SDK1: variants seen among roughly 807,000 people sequenced by gnomAD.
The protein encoded by SDK1 is sidekick cell adhesion molecule 1.
A neutral mutation model predicts 245.5 loss-of-function variants in SDK1; 157 were observed. The ratio of observed to expected loss-of-function variants is 0.64; its 90% CI spans 0.56 to 0.73. SDK1 has a LOEUF of 0.73. Among genes scored for constraint, SDK1 ranks in the 30% least tolerant of loss-of-function variants. The pLI, the probability that SDK1 is intolerant of heterozygous loss-of-function variation, is 0.00. For missense variants in SDK1, 3,583 were observed against 3,002.3 expected (o/e 1.19, Z -4.52); for synonymous variants, 1,647 against 1,278.5 (o/e 1.29, Z -6.15).
rs76386408 is a variant in SDK1, at chr7:3,330,230, T to C, written c.298+28346T>C. Among the ~76,000 whole-genome samples, 1,443 of 152,320 alleles carry C rather than the reference T, an allele frequency of 9.5e-3. 23 individuals carry two copies. The highest frequency in any genetic ancestry group is 0.033 in the African/African-American group (1,359 of 41,570). ...ACCTACAGGTGGAATTGCTGGGTCA[T>C]ATAGTAACTGTTTAAGCATTTGATG... On this transcript the variant is annotated intron_variant, in intron 1 of 44. Coordinates refer to ENST00000404826, the MANE Select transcript of SDK1 (RefSeq NM_152744.4).
chr7:3,329,747 A>G (rs954741292), intron 1 of SDK1, among the ~76,000 whole-genome samples: 1 of 152,220 alleles, frequency 6.6e-6, no homozygotes, highest in Non-Finnish European at 1.5e-5. Context: ...GTGTTCAACC[A>G]CAGATTAAGA....
chr7:3,886,496 C>G (rs542563309), intron 5 of SDK1, among the ~76,000 whole-genome samples: 257 of 152,338 alleles, frequency 1.7e-3, no homozygotes, highest in African/African-American at 5.9e-3. Context: ...CTTTTGTGTT[C>G]TTTACTCTCT....
At chr7:3,974,183 CAAAAA>C (rs10630472) in intron 12 of SDK1, among the ~76,000 whole-genome samples, 181 bp from the exon 13 acceptor site, 11 of 104,396 alleles carry the variant, frequency 1.1e-4, no homozygotes, top group Non-Finnish European at 1.3e-4. Context: ...GACTCTGTCT[CAAAAA>C]AAAAAAAAAA....
intron 35 of SDK1, among the ~76,000 whole-genome samples, chr7:4,182,322 C>A (rs1782646961): frequency 1.3e-5 from 2 of 152,220 alleles, no homozygotes; most frequent in African/African-American, 4.8e-5. Context: ...TGCCTTCCCC[C>A]CAGCAGCGGG....
Position 4,073,896 on chromosome 7 carries a change from C to T in SDK1, c.3011-3102C>T, listed in dbSNP as rs143822182. Reference sequence around the variant, plus strand: ...GGTGGGCAGGCACACTCAGCACGGCCACAACAAGCGATTTATCCCCTAGTG... The same window carrying T: ...GGTGGGCAGGCACACTCAGCACGGCTACAACAAGCGATTTATCCCCTAGTG... On this transcript the variant is annotated intron_variant, in intron 20 of 44. Coordinates refer to ENST00000404826, the MANE Select transcript of SDK1 (RefSeq NM_152744.4). Among the ~76,000 whole-genome samples, 509 of 152,298 alleles carry T rather than the reference C, an allele frequency of 3.3e-3. 3 individuals are homozygous for T. Among genetic ancestry groups the T allele is most frequent in the South Asian group, 0.03 (147 of 4,826 alleles).
At position 3,525,963 on chromosome 7, in the gene SDK1, G is replaced by A. The variant is rs150612668; in HGVS notation, c.299-93117G>A. Reference sequence around the variant, plus strand: ...TAATTCACATTGTGGGCCAGGCGCCGTGGCTCACACCTGTAATCTTAGCAC... The same window carrying A: ...TAATTCACATTGTGGGCCAGGCGCCATGGCTCACACCTGTAATCTTAGCAC... On this transcript the variant is annotated intron_variant, in intron 1 of 44. Transcript: ENST00000404826. Among the ~76,000 whole-genome samples, 56 of 152,254 alleles carry A rather than the reference G, an allele frequency of 3.7e-4. 1 individual carries two copies. The East Asian group carries it at 0.011, about 29-fold the overall frequency.
At chr7:4,054,651 TCTAGTA>T (rs1779092355) in intron 19 of SDK1, among the ~76,000 whole-genome samples, 5 of 152,336 alleles carry the variant, frequency 3.3e-5, no homozygotes, top group Admixed American at 3.3e-4. Context: ...GTCTAGGATT[TCTAGTA>T]CTATGCTGAA....
intron 1 of SDK1, among the ~76,000 whole-genome samples, chr7:3,322,764 C>T (rs767803515): frequency 6.6e-6 from 1 of 152,154 alleles, no homozygotes; most frequent in Admixed American, 6.5e-5. Flanking sequence ...GGTAATTGCA[C>T]TCTTTTGCTC....
intron 4 of SDK1, among the ~76,000 whole-genome samples, chr7:3,817,982 A>C (rs762496563): frequency 1.3e-5 from 2 of 152,246 alleles, no homozygotes; most frequent in Non-Finnish European, 2.9e-5. Flanking sequence ...TCCTGTGCTT[A>C]TAATTCGTAC....
At chr7:3,359,928 C>A (rs1780907654) in intron 1 of SDK1, among the ~76,000 whole-genome samples, 1 of 152,148 alleles carries the variant, frequency 6.6e-6, no homozygotes, top group Non-Finnish European at 1.5e-5. Context: ...TTGAGGCATC[C>A]ACCTTGCCTT....
At chr7:3,704,056 C>G (rs758786721) in intron 4 of SDK1, among the ~76,000 whole-genome samples, 1 of 152,096 alleles carries the variant, frequency 6.6e-6, no homozygotes, top group Non-Finnish European at 1.5e-5. Flanking sequence ...CCTCCCCTTT[C>G]TGAGTTCCCA....
In SDK1 at chr7:3,983,721, CAA is replaced by C. The variant is rs572435630; in HGVS notation, c.1995-3464_1995-3463del. 5.7e-4 allele frequency among the ~76,000 whole-genome samples: 87 copies of C among 152,276 alleles called. 1 individual carries two copies. The highest frequency in any genetic ancestry group is 1.5e-3 in the African/African-American group (63 of 41,554). On this transcript the variant is annotated intron_variant, in intron 13 of 44. Transcript: ENST00000404826. The stretch of plus-strand genomic sequence containing the variant: ...ATTATGAAACAGGTGATATTGAACA[CAA>C]GAGATATTATCAAGGGGATTTTCAC...
At chr7:3,967,591 C>T (rs1032695405) in intron 10 of SDK1, among the ~76,000 whole-genome samples, 157 bp downstream of exon 10, 4 of 152,218 alleles carry the variant, frequency 2.6e-5, no homozygotes, top group African/African-American at 9.6e-5. Flanking sequence ...ACCTTTTTGG[C>T]ACCAGGGACC....
At chr7:3,517,139 GA>G (rs774754390) in intron 1 of SDK1, among the ~76,000 whole-genome samples, 15 of 152,098 alleles carry the variant, frequency 9.9e-5, no homozygotes, top group Admixed American at 2.6e-4. Flanking sequence ...ACCATTTCTG[GA>G]AGGAATTTCC....
rs539624939 is a variant in SDK1 at position 4,245,031 on chromosome 7, C to T, written c.6252-645C>T. Among the ~76,000 whole-genome samples the T allele has an allele frequency of 4.6e-5, 7 of 152,322 alleles. No homozygotes were observed. In the South Asian group the frequency reaches 1.5e-3, roughly 32 times the overall value. ...GCGTGATGGGAGTAGCTGTCCTTCACCCATTCCATTTAATGTAACCGAGTC... is the reference window on the plus strand; with the variant it reads ...GCGTGATGGGAGTAGCTGTCCTTCATCCATTCCATTTAATGTAACCGAGTC... On this transcript the variant is annotated intron_variant, in intron 43 of 44. Transcript: ENST00000404826.
chr7:3,454,291 A>ATCT (rs1335059736), intron 1 of SDK1, among the ~76,000 whole-genome samples: 1 of 152,052 alleles, frequency 6.6e-6, no homozygotes, highest in African/African-American at 2.4e-5. Context: ...CTAGAGTTTC[A>ATCT]TCTTTATCAT....
chr7:3,636,232 A>C (rs775737886), intron 2 of SDK1, among the ~76,000 whole-genome samples: 6 of 152,200 alleles, frequency 3.9e-5, no homozygotes, highest in Admixed American at 1.3e-4. Context: ...AAAAACACAT[A>C]AAACTTACCC....
At chr7:4,139,287 A>T (rs1417798802) in intron 28 of SDK1, among the ~76,000 whole-genome samples, 1 of 151,950 alleles carries the variant, frequency 6.6e-6, no homozygotes, top group East Asian at 1.9e-4. Flanking sequence ...AGGTGATTTC[A>T]TGGGTTTTTT....
At chr7:4,242,245 C>T (rs1382249764) in intron 43 of SDK1, among the ~76,000 whole-genome samples, 1 of 152,164 alleles carries the variant, frequency 6.6e-6, no homozygotes, top group Non-Finnish European at 1.5e-5. Flanking sequence ...GTTCCTAGTT[C>T]ATGGAGGTGT....
Sources: allele counts gnomAD v4.1 joint callset (sites outside exome capture counted in the v4.1 genomes callset), GRCh38; gene constraint gnomAD v4.1.1; transcripts MANE v1.5; gene names NCBI Gene and HGNC (gene_info 2026-07-23, HGNC 2026-07-21).